PAPPA2: variants seen among roughly 807,000 people sequenced by gnomAD.
The protein encoded by PAPPA2 is pappalysin 2, also known as pappalysin-2.
A neutral mutation model predicts 176.4 loss-of-function variants in PAPPA2; 86 were observed. The observed-to-expected ratio is 0.49, with a 90% CI of 0.41 to 0.58. The LOEUF (loss-of-function observed/expected upper bound fraction) is 0.58, where lower values mean the gene tolerates loss of function less well. Ranked by LOEUF, PAPPA2 falls within the 20% of genes least tolerant of loss-of-function variation. PAPPA2 has a pLI of 0.00. For synonymous variants in PAPPA2, 809 were observed against 852.2 expected, an observed-to-expected ratio of 0.95 and a Z score of 0.88; for missense variants, 2,073 against 2,256.9, an observed-to-expected ratio of 0.92 and a Z score of 1.65.
intron 12 of PAPPA2, among the ~76,000 whole-genome samples, chr1:176,735,562 A>G (rs943139269): frequency 6.6e-6 from 1 of 152,066 alleles, no homozygotes; most frequent in African/African-American, 2.4e-5. Context: ...CATCAGAGAC[A>G]CTTTCTTTCA....
intron 1 of PAPPA2, among the ~76,000 whole-genome samples, chr1:176,531,540 C>G (rs954065790): frequency 6.6e-6 from 1 of 152,210 alleles, no homozygotes; most frequent in Non-Finnish European, 1.5e-5. Flanking sequence ...CAAGTTTTCC[C>G]ATAGTGTCTA....
chr1:176,787,482 T>A (rs1236117353), intron 17 of PAPPA2, among the ~76,000 whole-genome samples: 1 of 152,112 alleles, frequency 6.6e-6, no homozygotes, highest in Non-Finnish European at 1.5e-5. Context: ...GAGACCTGTC[T>A]GCCTCAGCTT....
intron 3 of PAPPA2, among the ~76,000 whole-genome samples, chr1:176,670,602 T>C (rs750611243): frequency 3.9e-5 from 6 of 152,060 alleles, no homozygotes; most frequent in Non-Finnish European, 8.8e-5. Flanking sequence ...AAACTAAGAG[T>C]TGGAAGGCCT....
In PAPPA2 at chr1:176,794,555, G is replaced by A. The variant is rs115599754; in HGVS notation, c.5130+886G>A. ...TTTGTGTGTGTGTATATGTGTGCAC[G>A]TGTGTGTATATACAATAATGTCTAG... On this transcript the variant is annotated intron_variant, in intron 20 of 22. Transcript: ENST00000367662. Among the ~76,000 whole-genome samples the A allele has an allele frequency of 6.7e-3, 1,024 of 152,234 alleles. 5 individuals are homozygous for A. The highest frequency in any genetic ancestry group is 0.011 in the Non-Finnish European group (723 of 68,014).
chr1:176,702,421 A>T (rs547464246), intron 8 of PAPPA2, among the ~76,000 whole-genome samples, 186 bp from the exon 9 acceptor site: 41 of 152,376 alleles, frequency 2.7e-4, no homozygotes, highest in Admixed American at 2.6e-3. Context: ...AGAAATAAAT[A>T]TGGTTTCAAA....
At chr1:176,689,397 G>T (rs1332073434) in intron 4 of PAPPA2, among the ~76,000 whole-genome samples, 1 of 152,178 alleles carries the variant, frequency 6.6e-6, no homozygotes, top group African/African-American at 2.4e-5. Context: ...TTTAGGGGCA[G>T]TGAGGGTGGG....
intron 9 of PAPPA2, among the ~76,000 whole-genome samples, chr1:176,705,634 C>T (rs951518411): frequency 6.6e-5 from 10 of 152,270 alleles, no homozygotes; most frequent in East Asian, 3.9e-4. Context: ...ACTTTATGTC[C>T]GTTTCACTAT....
intron 3 of PAPPA2, among the ~76,000 whole-genome samples, chr1:176,639,408 T>C (rs1656934795): frequency 6.6e-6 from 1 of 152,116 alleles, no homozygotes; most frequent in Non-Finnish European, 1.5e-5. Context: ...TCTAAAAAGA[T>C]TGCCTGGTAT....
intron 2 of PAPPA2, among the ~76,000 whole-genome samples, chr1:176,581,523 G>T (rs1273801725): frequency 6.6e-6 from 1 of 152,094 alleles, no homozygotes; most frequent in African/African-American, 2.4e-5. Flanking sequence ...TTTGATAGGG[G>T]TTGCATTGAT....
intron 21 of PAPPA2, 87 bp from the exon 22 acceptor site, chr1:176,840,086 T>C: frequency 9.6e-7 from 1 of 1,044,284 alleles, no homozygotes; most frequent in Non-Finnish European, 1.5e-6. Context: ...TGGAGCTGTA[T>C]GGATTACGCT....
At chr1:176,544,636 T>C (rs1391104842) in intron 1 of PAPPA2, among the ~76,000 whole-genome samples, 3 of 152,168 alleles carry the variant, frequency 2.0e-5, no homozygotes, top group Admixed American at 6.6e-5. Context: ...TACAATTCAA[T>C]TCAATTCCCG....
At chr1:176,481,315 T>C (rs36031313) in intron 1 of PAPPA2, among the ~76,000 whole-genome samples, 10,621 of 149,676 alleles carry the variant, frequency 0.071, 514 homozygotes, top group African/African-American at 0.13. Context: ...AAGCACCTTT[T>C]TGGCAACAGG....
intron 4 of PAPPA2, among the ~76,000 whole-genome samples, chr1:176,685,962 A>AGT (rs1436561842): frequency 1.3e-5 from 2 of 152,214 alleles, no homozygotes; most frequent in South Asian, 2.1e-4. Context: ...CATCGATGTG[A>AGT]GTGTGTGTGT....
chr1:176,760,696 G>T (rs953465554), intron 14 of PAPPA2, among the ~76,000 whole-genome samples: 2 of 152,206 alleles, frequency 1.3e-5, no homozygotes, highest in African/African-American at 4.8e-5. Flanking sequence ...TTATTGCAGG[G>T]CATTGCTAGG....
chr1:176,535,963 T>C (rs2102558454), intron 1 of PAPPA2, among the ~76,000 whole-genome samples: 1 of 152,298 alleles, frequency 6.6e-6, no homozygotes, highest in South Asian at 2.1e-4. Flanking sequence ...AAGTGCTTTT[T>C]TAGAACCTCA....
chr1:176,706,186 T>C (rs907653207), intron 9 of PAPPA2, among the ~76,000 whole-genome samples, 173 bp from the exon 10 acceptor site: 6 of 152,222 alleles, frequency 3.9e-5, no homozygotes, highest in African/African-American at 1.4e-4. Context: ...ATCTACTTTA[T>C]ATATCCATAT....
intron 1 of PAPPA2, among the ~76,000 whole-genome samples, chr1:176,548,568 C>T (rs148495468): frequency 6.6e-6 from 1 of 151,980 alleles, no homozygotes; most frequent in East Asian, 1.9e-4. Flanking sequence ...CGTGTATTTA[C>T]ACCCTTCATG....
At position 176,692,253 on chromosome 1, in the gene PAPPA2, C is replaced by G. The variant is rs767298759; in HGVS notation, c.2559C>G (p.Ile853Met). The G allele has an allele frequency of 6.8e-6, 11 of 1,613,932 alleles. No homozygotes were observed. Among genetic ancestry groups the G allele is most frequent in the Non-Finnish European group, 9.3e-6 (11 of 1,179,922 alleles). The change falls in exon 6 of 23, where the codon ATC becomes ATG. Residue 853 changes from isoleucine (I) to methionine (M), a missense_variant. By Grantham distance (10) the Ile-to-Met change is conservative. Coordinates refer to ENST00000367662, the MANE Select transcript of PAPPA2 (RefSeq NM_020318.3). Reference protein sequence around the residue: ...PTPIPIPPMVIGQTNKSLTIH... With the variant: ...PTPIPIPPMVMGQTNKSLTIH... The stretch of plus-strand genomic sequence containing the variant: ...CCATCCCCATTCCACCTATGGTCAT[C>G]GGACAGACCAACAAGTCCCTCACTA...
intron 1 of PAPPA2, among the ~76,000 whole-genome samples, chr1:176,473,255 T>C (rs992825503): frequency 6.6e-6 from 1 of 152,230 alleles, no homozygotes; most frequent in Non-Finnish European, 1.5e-5. Flanking sequence ...TTTTGCCTTT[T>C]CTAGAATGTC....
Sources: allele counts gnomAD v4.1 joint callset (sites outside exome capture counted in the v4.1 genomes callset), GRCh38; gene constraint gnomAD v4.1.1; transcripts MANE v1.5; gene names NCBI Gene and HGNC (gene_info 2026-07-23, HGNC 2026-07-21).